Variants in BUB1B observed in about 807,000 individuals in gnomAD.
BUB1B encodes the protein mitotic checkpoint serine/threonine-protein kinase BUB1 beta.
BUB1B carries 86 observed loss-of-function variants against 137.7 expected under a neutral mutation model. That is an observed-to-expected ratio of 0.62 (90% CI 0.52 to 0.75). The LOEUF (loss-of-function observed/expected upper bound fraction) is 0.75. Among genes scored for constraint, BUB1B ranks in the 30% least tolerant of loss-of-function variants. The pLI, the probability that BUB1B is intolerant of heterozygous loss-of-function variation, is 0.00. For synonymous variants in BUB1B, 420 were observed against 417.9 expected (o/e 1.00, Z -0.06); for missense variants, 1,130 against 1,236.9 (o/e 0.91, Z 1.30).
At chr15:40,173,207 C>A (rs891169181) in intron 4 of BUB1B, among the ~76,000 whole-genome samples, 16 of 151,184 alleles carry the variant, frequency 1.1e-4, no homozygotes, top group African/African-American at 3.9e-4. Flanking sequence ...ATCGCTTGAA[C>A]CCAGGAGACA....
intron 12 of BUB1B, among the ~76,000 whole-genome samples, chr15:40,201,530 A>G (rs2037568983): frequency 6.6e-6 from 1 of 152,216 alleles, no homozygotes; most frequent in Admixed American, 6.5e-5. Context: ...TGGGGCTAGC[A>G]ACCCAGTTTG....
intron 8 of BUB1B, among the ~76,000 whole-genome samples, chr15:40,187,429 A>T (rs548843604): frequency 2.0e-5 from 3 of 151,940 alleles, no homozygotes; most frequent in African/African-American, 7.2e-5. Flanking sequence ...CCCGGTCAAC[A>T]ATTTTTTTTT....
chr15:40,202,306 C>A, intron 12 of BUB1B, 99 bp from the exon 13 acceptor site: 1 of 1,083,824 alleles, frequency 9.2e-7, no homozygotes. Flanking sequence ...GGTTGCCTTC[C>A]TGCTTTCAAA....
chr15:40,202,406 T>G lies in BUB1B; in HGVS notation c.1569T>G (p.Gly523=). 6.2e-7 allele frequency: 1 copy of G among 1,608,680 alleles called. No individual in the cohort carries two copies. The highest frequency in any genetic ancestry group is 8.5e-7 in the Non-Finnish European group (1 of 1,176,686). Residue 523 remains glycine, a splice_region_variant and synonymous_variant, in exon 13 of 23, where the codon GGT becomes GGG. Coordinates refer to ENST00000287598, the MANE Select transcript of BUB1B (RefSeq NM_001211.6). ...TGTATCTAGTCTCTCTTTCTCTAGG[T>G]CCCAGTGTACCTTTCTCCATTTTTG... ...NIWQEQPHSK[G]PSVPFSIFDE...
intron 2 of BUB1B, among the ~76,000 whole-genome samples, chr15:40,168,106 G>T (rs2037122440): frequency 6.6e-6 from 1 of 151,132 alleles, no homozygotes; most frequent in African/African-American, 2.4e-5. Flanking sequence ...GGTGGCTCAA[G>T]CCTGTAATCC....
At chr15:40,185,768 C>G (rs2037353869) in intron 8 of BUB1B, 126 bp downstream of exon 8, 2 of 879,730 alleles carry the variant, frequency 2.3e-6, no homozygotes, top group Admixed American at 2.0e-5. Context: ...CGCAGTAGCT[C>G]ACACCTGTAA....
chr15:40,214,460 T>C (rs2037750183), intron 20 of BUB1B, among the ~76,000 whole-genome samples: 1 of 152,350 alleles, frequency 6.6e-6, no homozygotes, highest in African/African-American at 2.4e-5. Context: ...AAAAGCAGCC[T>C]GGTTTAAAGA....
At chr15:40,213,232 G>A (rs1339868692) in intron 19 of BUB1B, 100 bp from the exon 20 acceptor site, 9 of 1,355,406 alleles carry the variant, frequency 6.6e-6, no homozygotes, top group Non-Finnish European at 9.4e-6. Context: ...TTCCAGTAGA[G>A]AACAAGGAAG....
At chr15:40,181,779 T>C (rs2037296528) in intron 5 of BUB1B, among the ~76,000 whole-genome samples, 1 of 152,238 alleles carries the variant, frequency 6.6e-6, no homozygotes, top group Non-Finnish European at 1.5e-5. Flanking sequence ...TCAGATACTG[T>C]ATTTTTCAAT....
chr15:40,170,402 A>T, intron 3 of BUB1B, 135 bp from the exon 4 acceptor site: 5 of 1,071,600 alleles, frequency 4.7e-6, no homozygotes, highest in Non-Finnish European at 7.0e-6. Flanking sequence ...TGAGGGATAC[A>T]GGCTTAGGGT....
At chr15:40,185,790 G>A (rs2037354117) in intron 8 of BUB1B, 148 bp downstream of exon 8, 2 of 791,226 alleles carry the variant, frequency 2.5e-6, no homozygotes, top group Non-Finnish European at 4.3e-6. Context: ...CCCAGCACAG[G>A]CTGAGGCAGG....
chr15:40,203,415 T>C (rs1038485338), intron 14 of BUB1B, among the ~76,000 whole-genome samples: 1 of 152,092 alleles, frequency 6.6e-6, no homozygotes, highest in Non-Finnish European at 1.5e-5. Context: ...TGCTAATGGG[T>C]ATAGGGTTTC....
chr15:40,166,219 T>C (rs888856860), intron 2 of BUB1B: 8 of 337,324 alleles, frequency 2.4e-5, no homozygotes, highest in Admixed American at 1.3e-4. Flanking sequence ...GAATAGGATT[T>C]CATTTATTTA....
intron 1 of BUB1B, among the ~76,000 whole-genome samples, chr15:40,163,743 TTGG>T (rs1191944456): frequency 6.6e-6 from 1 of 152,230 alleles, no homozygotes; most frequent in Admixed American, 6.5e-5. Context: ...ATTCAGAAGT[TTGG>T]TGACGTTTTT....
chr15:40,183,812 T>G lies in BUB1B; in HGVS notation c.680T>G (p.Leu227Arg). 1 of 1,614,088 alleles carries G rather than the reference T, an allele frequency of 6.2e-7. No homozygotes were observed. Among genetic ancestry groups the G allele is most frequent in the Non-Finnish European group, 8.5e-7 (1 of 1,179,986 alleles). Residue 227 changes from leucine (L) to arginine (R), a missense_variant, in exon 6 of 23, where the codon CTA (leucine) becomes CGA (arginine). Physicochemically the swap from Leu to Arg is moderately radical, Grantham distance 102 (BLOSUM62 -2). Coordinates refer to ENST00000287598, the MANE Select transcript of BUB1B (RefSeq NM_001211.6). The part of the protein sequence containing the change: ...FESSVPQRST[L>R]AELKSKGKKT... ...TCTTCTGTACCACAACGAAGCACACTAGCTGAACTAAAGAGCAAAGGGAAA... is the reference window on the plus strand; with the variant it reads ...TCTTCTGTACCACAACGAAGCACACGAGCTGAACTAAAGAGCAAAGGGAAA...
At chr15:40,186,481 A>G (rs2037363389) in intron 8 of BUB1B, among the ~76,000 whole-genome samples, 1 of 114,026 alleles carries the variant, frequency 8.8e-6, no homozygotes, top group African/African-American at 3.5e-5. Context: ...TGTGTCGCCC[A>G]GGCTGGAGTG....
At chr15:40,188,035 T>C (rs1384525401) in intron 8 of BUB1B, among the ~76,000 whole-genome samples, 1 of 152,254 alleles carries the variant, frequency 6.6e-6, no homozygotes, top group Admixed American at 6.5e-5. Context: ...AAAATTAATA[T>C]GGTACAGGAA....
At position 40,206,445 on chromosome 15, in the gene BUB1B, A is replaced by G. The variant is rs1218957418; in HGVS notation, c.1996A>G (p.Ile666Val). 1 of 1,614,190 alleles carries G rather than the reference A, an allele frequency of 6.2e-7. No homozygotes were observed. The highest frequency in any genetic ancestry group is 1.7e-5 in the Admixed American group (1 of 60,024). ...CGTIYSQTLS[I>V]KKLSPIIEDS... The stretch of plus-strand genomic sequence containing the variant: ...CACTATCTACAGTCAGACTCTCAGC[A>G]TCAAGAAGCTGAGGTGATTGGGGAT... Residue 666 changes from isoleucine to valine, a missense_variant, in exon 15 of 23, where the codon ATC (isoleucine) becomes GTC (valine). Physicochemically the swap from Ile to Val is conservative, Grantham distance 29 (BLOSUM62 3). Coordinates refer to ENST00000287598, the MANE Select transcript of BUB1B (RefSeq NM_001211.6).
intron 15 of BUB1B, 126 bp from the exon 16 acceptor site, chr15:40,208,511 C>T (rs1031949184): frequency 1.1e-6 from 1 of 927,408 alleles, no homozygotes; most frequent in Non-Finnish European, 1.6e-6. Context: ...GTGCTCCAGC[C>T]TGGGTGACAA....
Sources: allele counts gnomAD v4.1 joint callset (sites outside exome capture counted in the v4.1 genomes callset), GRCh38; gene constraint gnomAD v4.1.1; transcripts MANE v1.5; gene names NCBI Gene and HGNC (gene_info 2026-07-23, HGNC 2026-07-21).